Variants in DLGAP2 observed in about 807,000 individuals in gnomAD.
DLGAP2 encodes the protein DLG associated protein 2.
In DLGAP2, 26 loss-of-function variants were observed where a neutral mutation model predicts 100.3. The ratio of observed to expected loss-of-function variants is 0.26; its 90% CI spans 0.19 to 0.36. DLGAP2 has a LOEUF of 0.36. Among genes scored for constraint, DLGAP2 ranks in the 10% least tolerant of loss-of-function variants. The probability of loss-of-function intolerance (pLI) is 1.00; values close to 1 mark genes in which losing one functional copy is unlikely to be tolerated. For missense variants in DLGAP2, 1,858 were observed against 1,453.2 expected (o/e 1.28, Z -4.53); for synonymous variants, 886 against 630.1 (o/e 1.41, Z -6.08).
intron 2 of DLGAP2, among the ~76,000 whole-genome samples, chr8:1,241,197 T>A (rs116371264): frequency 0.058 from 2,973 of 51,132 alleles, 198 homozygotes; most frequent in African/African-American, 0.15. Context: ...TTCTCTCACA[T>A]GGAGCCATGT....
At chr8:1,344,891 A>C (rs1456888035) in intron 3 of DLGAP2, among the ~76,000 whole-genome samples, 2 of 152,160 alleles carry the variant, frequency 1.3e-5, no homozygotes, top group Admixed American at 1.3e-4. Flanking sequence ...TCCCTCCTGG[A>C]CCGAAATATT....
At chr8:1,289,283 G>C (rs1800007970) in intron 3 of DLGAP2, among the ~76,000 whole-genome samples, 1 of 152,228 alleles carries the variant, frequency 6.6e-6, no homozygotes, top group South Asian at 2.1e-4. Flanking sequence ...AATACATAGA[G>C]ACAGCTACTT....
chr8:1,597,482 G>A (rs555364573), intron 6 of DLGAP2, among the ~76,000 whole-genome samples: 2 of 151,364 alleles, frequency 1.3e-5, no homozygotes, highest in African/African-American at 4.9e-5. Context: ...TCACAATATT[G>A]GTTCTTCCTA....
At chr8:1,689,465 A>T (rs1438421395) in intron 12 of DLGAP2, among the ~76,000 whole-genome samples, 1 of 152,262 alleles carries the variant, frequency 6.6e-6, no homozygotes, top group Non-Finnish European at 1.5e-5. Flanking sequence ...AATCTCCAGG[A>T]TAAATGCCCC....
At chr8:1,022,367 A>C (rs1156963753) in intron 2 of DLGAP2, among the ~76,000 whole-genome samples, 1 of 145,476 alleles carries the variant, frequency 6.9e-6, no homozygotes, top group Non-Finnish European at 1.5e-5. Flanking sequence ...AACACCACCC[A>C]CCCTCCCTGG....
intron 3 of DLGAP2, among the ~76,000 whole-genome samples, chr8:1,422,260 C>A (rs1318580947): frequency 6.6e-6 from 1 of 152,026 alleles, no homozygotes; most frequent in Non-Finnish European, 1.5e-5. Context: ...GGAAAAGATA[C>A]CAGAAGACCA....
At chr8:1,146,705 C>T (rs1316057613) in intron 2 of DLGAP2, among the ~76,000 whole-genome samples, 1 of 151,938 alleles carries the variant, frequency 6.6e-6, no homozygotes, top group Non-Finnish European at 1.5e-5. Context: ...AGAGGGGGGG[C>T]TACATTCATT....
chr8:1,082,397 G>A (rs528330120), intron 2 of DLGAP2, among the ~76,000 whole-genome samples: 6 of 152,230 alleles, frequency 3.9e-5, no homozygotes, highest in African/African-American at 1.4e-4. Context: ...AATATTGTCT[G>A]GATCTAGCTA....
chr8:1,381,825 T>TGTGTGTGTGTGTG (rs1247904894), intron 3 of DLGAP2, among the ~76,000 whole-genome samples: 4 of 101,402 alleles, frequency 3.9e-5, no homozygotes, highest in African/African-American at 1.5e-4. Flanking sequence ...GTGTGTGTGT[T>TGTGTGTGTGTGTG]TGTATCACAT....
chr8:1,255,090 C>G (rs563310628), intron 2 of DLGAP2, among the ~76,000 whole-genome samples: 12 of 135,742 alleles, frequency 8.8e-5, no homozygotes, highest in South Asian at 2.5e-4. Flanking sequence ...TGTGTGTCCT[C>G]TCATCCTGCC....
chr8:1,176,521 C>G (rs766804110), intron 2 of DLGAP2, among the ~76,000 whole-genome samples: 1 of 152,212 alleles, frequency 6.6e-6, no homozygotes, highest in Admixed American at 6.5e-5. Context: ...AGATCCTGCC[C>G]TCACAGCCGC....
In DLGAP2 at chr8:1,216,376, T is replaced by A. The variant is rs534716789; in HGVS notation, c.74-42475T>A. Among the ~76,000 whole-genome samples, 3 of 152,156 alleles carry A rather than the reference T, an allele frequency of 2.0e-5. No homozygotes were observed. In the South Asian group the frequency reaches 6.2e-4, roughly 32 times the overall value. ...AATTGTTTTTTTGTAAGGGGCAGGG[T>A]CTCACTCTGTTGCCCAGGCTGGAGT... is the stretch of plus-strand genomic sequence containing the variant. On this transcript the variant is annotated intron_variant, in intron 2 of 14. Coordinates refer to ENST00000637795, the MANE Select transcript of DLGAP2 (RefSeq NM_001346810.2).
At chr8:1,432,127 TG>T (rs1237683112) in intron 3 of DLGAP2, among the ~76,000 whole-genome samples, 6 of 152,232 alleles carry the variant, frequency 3.9e-5, no homozygotes, top group African/African-American at 9.6e-5. Context: ...CTCTGGCGTT[TG>T]ATCATTCGGG....
chr8:1,281,017 A>G (rs1272854457), intron 3 of DLGAP2, among the ~76,000 whole-genome samples: 1 of 152,180 alleles, frequency 6.6e-6, no homozygotes, highest in Non-Finnish European at 1.5e-5. Flanking sequence ...TGGTCAAGCA[A>G]TGGTCTTCCT....
chr8:1,653,850 A>T (rs1245587603), intron 8 of DLGAP2, among the ~76,000 whole-genome samples: 2 of 152,204 alleles, frequency 1.3e-5, no homozygotes, highest in Non-Finnish European at 2.9e-5. Context: ...GACATGATTT[A>T]GGATATATTC....
At chr8:1,307,144 A>G (rs533588486) in intron 3 of DLGAP2, among the ~76,000 whole-genome samples, 3 of 150,264 alleles carry the variant, frequency 2.0e-5, no homozygotes, top group Non-Finnish European at 4.4e-5. Flanking sequence ...TCATATATCA[A>G]TCTGAAAATG....
chr8:1,164,468 C>T (rs948145636), intron 2 of DLGAP2, among the ~76,000 whole-genome samples: 10 of 150,934 alleles, frequency 6.6e-5, no homozygotes, highest in African/African-American at 2.2e-4. Context: ...CTGGCTCTCA[C>T]TGGCTGACGT....
At chr8:830,179 C>T (rs1335524157) in intron 1 of DLGAP2, among the ~76,000 whole-genome samples, 1 of 152,032 alleles carries the variant, frequency 6.6e-6, no homozygotes, top group Admixed American at 6.6e-5. Flanking sequence ...TTTGTGGGTA[C>T]ATAGTAGATG....
At chr8:1,578,078 T>C (rs1280662924) in intron 6 of DLGAP2, among the ~76,000 whole-genome samples, 3 of 152,234 alleles carry the variant, frequency 2.0e-5, no homozygotes, top group African/African-American at 7.2e-5. Flanking sequence ...TTAAACAGAA[T>C]TGAAAGTAAT....
Sources: gnomAD v4.1 joint callset for allele counts (sites outside exome capture counted in the v4.1 genomes callset) on GRCh38, gnomAD v4.1.1 for gene constraint, MANE v1.5 for transcripts, NCBI Gene and HGNC (gene_info 2026-07-23, HGNC 2026-07-21) for gene names.